PXDNL: variants seen among roughly 807,000 people sequenced by gnomAD.
PXDNL encodes the protein peroxidasin like, also known as probable oxidoreductase PXDNL.
PXDNL carries 145 observed loss-of-function variants against 150.8 expected under a neutral mutation model. The ratio of observed to expected loss-of-function variants is 0.96; its 90% CI spans 0.84 to 1.10. PXDNL has a LOEUF of 1.10. PXDNL is among the 50% of genes least tolerant of loss of function. The probability of loss-of-function intolerance (pLI) is 0.00; values close to 1 mark genes in which losing one functional copy is unlikely to be tolerated. For missense variants in PXDNL, 2,087 were observed against 1,873.9 expected (o/e 1.11, Z -2.10); for synonymous variants, 757 against 725.7 (o/e 1.04, Z -0.69).
intron 10 of PXDNL, among the ~76,000 whole-genome samples, chr8:51,452,935 A>ACATACACACACACACAC (rs1809839333): frequency 7.0e-6 from 1 of 142,566 alleles, no homozygotes; most frequent in Non-Finnish European, 1.5e-5. Flanking sequence ...CACACACACA[A>ACATACACACACACACAC]ACACACACAC....
chr8:51,765,659 G>A (rs956216689), intron 1 of PXDNL, among the ~76,000 whole-genome samples: 6 of 151,924 alleles, frequency 3.9e-5, no homozygotes, highest in Non-Finnish European at 7.4e-5. Flanking sequence ...TATTAATAAG[G>A]TGGAATTATA....
At chr8:51,699,900 C>T (rs1317605472) in intron 1 of PXDNL, among the ~76,000 whole-genome samples, 5 of 152,060 alleles carry the variant, frequency 3.3e-5, no homozygotes, top group East Asian at 1.9e-4. Context: ...GGACATGGTT[C>T]GTAGCACCCT....
chr8:51,637,302 CT>C (rs1814626643), intron 2 of PXDNL, among the ~76,000 whole-genome samples: 1 of 152,162 alleles, frequency 6.6e-6, no homozygotes, highest in Non-Finnish European at 1.5e-5. Flanking sequence ...GCCTCTCCCC[CT>C]ACAAATGAAC....
intron 1 of PXDNL, among the ~76,000 whole-genome samples, chr8:51,696,791 C>CCA (rs1816147945): frequency 9.8e-4 from 2 of 2,046 alleles, no homozygotes; most frequent in African/African-American, 2.5e-3. Context: ...ACATACCCAC[C>CCA]CACACATAGG....
At position 51,558,583 on chromosome 8, in the gene PXDNL, A is replaced by G. The variant is rs142668131; in HGVS notation, c.309-1672T>C. ...AGTTGTTTCATAAAGATAAAATGAA[A>G]TCATAAAATATTCATGAAGGAGTTT... On this transcript the variant is annotated intron_variant, in intron 3 of 22. Transcript: ENST00000356297. Among the ~76,000 whole-genome samples the G allele has an allele frequency of 2.8e-3, 424 of 152,250 alleles. 1 individual carries two copies. The highest frequency in any genetic ancestry group is 5.1e-3 in the Non-Finnish European group (345 of 68,010).
intron 2 of PXDNL, among the ~76,000 whole-genome samples, chr8:51,628,533 G>C (rs1223505995): frequency 2.0e-5 from 3 of 149,282 alleles, no homozygotes; most frequent in Non-Finnish European, 4.4e-5. Flanking sequence ...AGCCTCCTGA[G>C]TATCTGGGAC....
intron 2 of PXDNL, among the ~76,000 whole-genome samples, chr8:51,617,413 T>G (rs1013704704): frequency 6.6e-6 from 1 of 152,252 alleles, no homozygotes; most frequent in Non-Finnish European, 1.5e-5. Context: ...TAGAATTGCA[T>G]TCTTCAAGTA....
intron 19 of PXDNL, among the ~76,000 whole-genome samples, chr8:51,356,422 G>A (rs997113427): frequency 3.3e-5 from 5 of 151,588 alleles, no homozygotes; most frequent in Non-Finnish European, 7.4e-5. Flanking sequence ...CCGGGAGGTG[G>A]AGGTTGCAGT....
intron 19 of PXDNL, among the ~76,000 whole-genome samples, chr8:51,348,758 AT>A (rs1216830872): frequency 6.6e-6 from 1 of 152,176 alleles, no homozygotes; most frequent in Non-Finnish European, 1.5e-5. Context: ...TATACTCAAT[AT>A]TATCTTCCCT....
At chr8:51,632,330 G>A (rs1461129383) in intron 2 of PXDNL, among the ~76,000 whole-genome samples, 3 of 152,282 alleles carry the variant, frequency 2.0e-5, no homozygotes, top group East Asian at 3.9e-4. Context: ...GCAGGGTGGG[G>A]TGGCTCATGC....
intron 1 of PXDNL, among the ~76,000 whole-genome samples, chr8:51,656,880 C>T (rs1815160430): frequency 6.6e-6 from 1 of 152,170 alleles, no homozygotes; most frequent in African/African-American, 2.4e-5. Context: ...CCTCCCACTC[C>T]AGATGTAACC....
chr8:51,396,675 T>A (rs1339118476), intron 17 of PXDNL, among the ~76,000 whole-genome samples: 2 of 152,146 alleles, frequency 1.3e-5, no homozygotes, highest in Non-Finnish European at 2.9e-5. Context: ...GGAGAAACGC[T>A]TGAACGTGGG....
At chr8:51,469,203 C>A (rs976343918) in intron 8 of PXDNL, among the ~76,000 whole-genome samples, 1 of 151,986 alleles carries the variant, frequency 6.6e-6, no homozygotes, top group African/African-American at 2.4e-5. Context: ...GTAAAGTTTA[C>A]CGCAAATATA....
intron 19 of PXDNL, among the ~76,000 whole-genome samples, chr8:51,355,915 AG>A (rs1320051443): frequency 6.6e-6 from 1 of 152,254 alleles, no homozygotes; most frequent in Non-Finnish European, 1.5e-5. Context: ...ACCCAGCTAA[AG>A]AAGAGTTCCT....
At chr8:51,633,351 T>TGAAC (rs1213459299) in intron 2 of PXDNL, among the ~76,000 whole-genome samples, 2 of 152,212 alleles carry the variant, frequency 1.3e-5, no homozygotes, top group Non-Finnish European at 2.9e-5. Context: ...AGTGCTATAA[T>TGAAC]GAACATATGA....
chr8:51,379,428 T>C (rs1403460801), intron 17 of PXDNL, among the ~76,000 whole-genome samples: 2 of 151,904 alleles, frequency 1.3e-5, no homozygotes, highest in Non-Finnish European at 2.9e-5. Context: ...ATCTTCCTAA[T>C]TAATTATACA....
At chr8:51,444,993 A>G (rs1286203517) in intron 12 of PXDNL, among the ~76,000 whole-genome samples, 1 of 150,500 alleles carries the variant, frequency 6.6e-6, no homozygotes, top group Non-Finnish European at 1.5e-5. Flanking sequence ...TGAAACCTCC[A>G]CCTCCCAGGT....
chr8:51,534,938 C>T (rs1210291972), intron 4 of PXDNL, among the ~76,000 whole-genome samples: 2 of 103,648 alleles, frequency 1.9e-5, no homozygotes, highest in Admixed American at 8.3e-5. Context: ...CCCCTCTGCC[C>T]GGCCAGCCGC....
intron 1 of PXDNL, among the ~76,000 whole-genome samples, chr8:51,719,054 G>A (rs974427902): frequency 2.0e-5 from 3 of 151,496 alleles, no homozygotes; most frequent in Non-Finnish European, 3.0e-5. Context: ...ACCTCCGCCC[G>A]GCCGCCACCC....
Sources: allele counts gnomAD v4.1 joint callset (sites outside exome capture counted in the v4.1 genomes callset), GRCh38; gene constraint gnomAD v4.1.1; transcripts MANE v1.5; gene names NCBI Gene and HGNC (gene_info 2026-07-23, HGNC 2026-07-21).